Variants in MRTFB observed in about 807,000 individuals in gnomAD.
The protein encoded by MRTFB is myocardin-related transcription factor B.
A neutral mutation model predicts 104.2 loss-of-function variants in MRTFB; 29 were observed. That is an observed-to-expected ratio of 0.28 (90% CI 0.21 to 0.38). MRTFB has a LOEUF of 0.38. Ranked by LOEUF, MRTFB falls within the 10% of genes least tolerant of loss-of-function variation. The probability of loss-of-function intolerance (pLI) is 1.00; values close to 1 mark genes in which losing one functional copy is unlikely to be tolerated. For missense variants in MRTFB, 1,270 were observed against 1,341.6 expected (o/e 0.95, Z 0.83); for synonymous variants, 535 against 519.5 (o/e 1.03, Z -0.41).
Position 14,246,645 on chromosome 16 carries a change from C to T in MRTFB, c.1385C>T (p.Thr462Ile), listed in dbSNP as rs1178825624. The T allele has an allele frequency of 1.2e-6, 2 of 1,614,190 alleles. No homozygotes were observed. ...ATTGTCACCAGTAACCCAGAAGTCACTGTGGCCTTGCCGGTTACAACACTA... is the reference window on the plus strand; with the variant it reads ...ATTGTCACCAGTAACCCAGAAGTCATTGTGGCCTTGCCGGTTACAACACTA... ...SAIVTSNPEV[T>I]VALPVTTLHN... Residue 462 changes from threonine (T) to isoleucine (I), a missense_variant, in exon 12 of 17, where the codon ACT (threonine) becomes ATT (isoleucine). Transcript: ENST00000571589.
the MRTFB span, chr16:14,013,568 T>G: frequency 6.6e-6 from 1 of 152,236 alleles, no homozygotes; most frequent in East Asian, 1.9e-4. Context: ...TTAACTCAGC[T>G]GCGATTACGA....
rs922447291 is a variant in MRTFB, at chr16:14,107,738, GAAAGAT to G, written c.-64+28394_-64+28399del. Among the ~76,000 whole-genome samples, 13 of 152,352 alleles carry G rather than the reference GAAAGAT, an allele frequency of 8.5e-5. No individual in the cohort carries two copies. In the East Asian group the frequency reaches 2.3e-3, roughly 27 times the overall value. On this transcript the variant is annotated intron_variant, in intron 2 of 16. Transcript: ENST00000571589. ...TGAGCTTTAGGCTTATGGACAGATG[GAAAGAT>G]AAAGATAAACAGATAAATGTAATGC...
At chr16:14,121,024 A>G (rs2036818221) in intron 2 of MRTFB, among the ~76,000 whole-genome samples, 2 of 152,174 alleles carry the variant, frequency 1.3e-5, no homozygotes, top group South Asian at 2.1e-4. Flanking sequence ...TATTTTTTCC[A>G]GAAGTCTTTT....
intron 3 of MRTFB, among the ~76,000 whole-genome samples, chr16:14,188,382 G>T (rs146609402): frequency 6.6e-6 from 1 of 151,986 alleles, no homozygotes; most frequent in African/African-American, 2.4e-5. Context: ...ACATTTTTGC[G>T]TACTTGAGAA....
intron 1 of MRTFB, among the ~76,000 whole-genome samples, chr16:14,074,838 T>A (rs889699948): frequency 1.3e-4 from 20 of 152,224 alleles, no homozygotes; most frequent in Admixed American, 7.2e-4. Context: ...TTTCCCTTTA[T>A]GTAAAACAAA....
At chr16:14,150,192 C>A (rs2038542082) in intron 3 of MRTFB, among the ~76,000 whole-genome samples, 1 of 152,176 alleles carries the variant, frequency 6.6e-6, no homozygotes, top group Non-Finnish European at 1.5e-5. Flanking sequence ...CCTCAGTGTC[C>A]TTATCTGCAA....
rs1226574518 is a variant in MRTFB, at chr16:14,262,897, C to T, written c.*1453C>T. 5 of 152,440 alleles carry T rather than the reference C, an allele frequency of 3.3e-5. No individual in the cohort carries two copies. The East Asian group carries it at 9.6e-4, about 29-fold the overall frequency. 9.4% of individuals were successfully genotyped at this position (152,440 alleles called of 1,614,324 possible). Reference sequence around the variant, plus strand: ...TAAACCCTCAGGTCAGGTTGGTTCCCCTGGGTCACAAAATGGTAAATGTTC... The same window carrying T: ...TAAACCCTCAGGTCAGGTTGGTTCCTCTGGGTCACAAAATGGTAAATGTTC... On this transcript the variant is annotated 3_prime_UTR_variant, in exon 17 of 17. Coordinates refer to ENST00000571589, the MANE Select transcript of MRTFB (RefSeq NM_001308142.2).
the MRTFB span, among the ~76,000 whole-genome samples, chr16:14,039,200 T>A: frequency 6.6e-6 from 1 of 152,202 alleles, no homozygotes; most frequent in African/African-American, 2.4e-5. Context: ...CTCTAGTAAG[T>A]GTTGGCTGTT....
At chr16:14,213,479 T>G (rs2041284659) in intron 5 of MRTFB, 66 bp from the exon 6 acceptor site, 1 of 1,159,300 alleles carries the variant, frequency 8.6e-7, no homozygotes, top group East Asian at 2.4e-5. Flanking sequence ...TGGAATACCT[T>G]AAAGAACATT....
chr16:14,227,815 T>C (rs1036959951), intron 8 of MRTFB, among the ~76,000 whole-genome samples: 3 of 152,102 alleles, frequency 2.0e-5, no homozygotes, highest in Non-Finnish European at 2.9e-5. Context: ...CTGCCAAATA[T>C]TTTTTAAAAG....
At chr16:14,195,438 A>G in intron 3 of MRTFB, 2 of 777,128 alleles carry the variant, frequency 2.6e-6, no homozygotes, top group Non-Finnish European at 3.1e-6. Context: ...ATATATACAT[A>G]GGTATATGTA....
intron 8 of MRTFB, among the ~76,000 whole-genome samples, chr16:14,224,992 G>A (rs1207505525): frequency 6.6e-6 from 1 of 152,164 alleles, no homozygotes; most frequent in Non-Finnish European, 1.5e-5. Flanking sequence ...TTCAAGACCA[G>A]CCTGACCAAC....
intron 8 of MRTFB, among the ~76,000 whole-genome samples, chr16:14,219,228 T>A (rs945993020): frequency 3.3e-5 from 5 of 152,212 alleles, no homozygotes; most frequent in African/African-American, 1.2e-4. Flanking sequence ...GAGAGTTGAA[T>A]GTTTTGATCA....
chr16:14,032,897 C>T, the MRTFB span, among the ~76,000 whole-genome samples: 1 of 152,108 alleles, frequency 6.6e-6, no homozygotes, highest in East Asian at 1.9e-4. Context: ...ACACAGCTCA[C>T]AACAGCCTTG....
intron 3 of MRTFB, chr16:14,200,975 G>A: frequency 1.4e-6 from 2 of 1,440,942 alleles, no homozygotes; most frequent in Non-Finnish European, 2.0e-6. Context: ...ACTTCCTGAA[G>A]AGAGAAAGCT....
At chr16:14,223,331 G>A (rs542031131) in intron 8 of MRTFB, among the ~76,000 whole-genome samples, 53 of 151,946 alleles carry the variant, frequency 3.5e-4, no homozygotes, top group Middle Eastern at 3.4e-3. Flanking sequence ...AAAAGAAAAA[G>A]AAAAATATGA....
the MRTFB span, among the ~76,000 whole-genome samples, chr16:14,028,046 G>A: frequency 1.6e-3 from 247 of 152,178 alleles, 1 homozygote; most frequent in Non-Finnish European, 5.1e-4. Flanking sequence ...GCATGGTGGT[G>A]CACACCTGTA....
chr16:14,117,724 T>G (rs894504476), intron 2 of MRTFB, among the ~76,000 whole-genome samples: 4 of 152,000 alleles, frequency 2.6e-5, no homozygotes, highest in Non-Finnish European at 5.9e-5. Context: ...GATAGGAAAG[T>G]GCACGGTTGG....
At chr16:14,207,380 G>C (rs1280930736) in intron 3 of MRTFB, among the ~76,000 whole-genome samples, 2 of 152,184 alleles carry the variant, frequency 1.3e-5, no homozygotes, top group Non-Finnish European at 2.9e-5. Context: ...ACGATATTGT[G>C]AATATAATTA....
Sources: allele counts gnomAD v4.1 joint callset (sites outside exome capture counted in the v4.1 genomes callset), GRCh38; gene constraint gnomAD v4.1.1; transcripts MANE v1.5; gene names NCBI Gene and HGNC (gene_info 2026-07-23, HGNC 2026-07-21).